ARNT2: variants seen among roughly 807,000 people sequenced by gnomAD.
The protein encoded by ARNT2 is ARNT protein 2.
In ARNT2, 36 loss-of-function variants were observed where a neutral mutation model predicts 91.7. That is an observed-to-expected ratio of 0.39 (90% CI 0.30 to 0.52). The LOEUF is 0.52. Among genes scored for constraint, ARNT2 ranks in the 20% least tolerant of loss-of-function variants. The pLI is 0.72. For synonymous variants in ARNT2, 365 were observed against 347.1 expected, an observed-to-expected ratio of 1.05 and a Z score of -0.57; for missense variants, 775 against 939.3, an observed-to-expected ratio of 0.83 and a Z score of 2.29.
intron 1 of ARNT2, among the ~76,000 whole-genome samples, chr15:80,427,603 T>C (rs192561537): frequency 6.6e-6 from 1 of 152,314 alleles, no homozygotes; most frequent in East Asian, 1.9e-4. Context: ...GTGAAATCTC[T>C]AGGTACACCT....
Position 80,450,993 on chromosome 15 carries a change from G to C in ARNT2, c.145G>C (p.Gly49Arg). 15 of 1,613,070 alleles carry C rather than the reference G, an allele frequency of 9.3e-6. No homozygotes were observed. Among genetic ancestry groups the C allele is most frequent in the Non-Finnish European group, 1.3e-5 (15 of 1,179,602 alleles). ...TGCCCGTGGAGGAAAGCGGCGTTCC[G>C]GGTAAGCGACCTCAGCGTTTCCAGG... ...MPARGGKRRS[G>R]MDFDDEDGEG... Residue 49 changes from glycine to arginine, a missense_variant and splice_region_variant, in exon 2 of 19, where the codon GGA becomes CGA. Transcript: ENST00000303329.
chr15:80,513,921 G>A lies in ARNT2; in HGVS notation c.736G>A (p.Ala246Thr). Residue 246 changes from alanine (A) to threonine (T), a missense_variant, in exon 7 of 19, where the codon GCT (alanine) becomes ACT (threonine). Physicochemically the swap from Ala to Thr is moderately conservative, Grantham distance 58. Around this residue, in one of 5 missense-constraint regions of ARNT2, gnomAD observed 285 missense variants for 327.2 expected, o/e 0.87. Coordinates refer to ENST00000303329, the MANE Select transcript of ARNT2 (RefSeq NM_014862.4). Reference protein sequence around the residue: ...SFICRMRCGNAPLDHLPLNRI... With the variant: ...SFICRMRCGNTPLDHLPLNRI... ...CTTGTCACATCTTAGGTGTGGAAAT[G>A]CTCCTTTGGACCACCTTCCTCTAAA... The A allele has an allele frequency of 1.2e-6, 2 of 1,613,348 alleles. No homozygotes were observed. Among genetic ancestry groups the A allele is most frequent in the African/African-American group, 1.3e-5 (1 of 74,968 alleles).
intron 11 of ARNT2, among the ~76,000 whole-genome samples, chr15:80,560,724 C>G (rs1898323855): frequency 6.6e-6 from 1 of 152,226 alleles, no homozygotes; most frequent in Non-Finnish European, 1.5e-5. Flanking sequence ...AGAAGTCCCT[C>G]TTGGTTGCTG....
At chr15:80,523,079 G>A (rs1897579575) in intron 8 of ARNT2, among the ~76,000 whole-genome samples, 1 of 152,126 alleles carries the variant, frequency 6.6e-6, no homozygotes, top group Non-Finnish European at 1.5e-5. Flanking sequence ...GTGCAATTCA[G>A]TAATGTCATG....
intron 8 of ARNT2, among the ~76,000 whole-genome samples, chr15:80,523,300 A>T (rs1247684427): frequency 6.6e-6 from 1 of 152,222 alleles, no homozygotes. Context: ...TTGTTGAGCC[A>T]GGCTTTCAGG....
chr15:80,517,406 A>G (rs1897455780), intron 8 of ARNT2, among the ~76,000 whole-genome samples: 1 of 152,056 alleles, frequency 6.6e-6, no homozygotes, highest in South Asian at 2.1e-4. Context: ...CTTCAGTTTG[A>G]ATATAACATG....
chr15:80,568,026 A>G (rs116066456), intron 12 of ARNT2, among the ~76,000 whole-genome samples: 3,685 of 152,314 alleles, frequency 0.024, 89 homozygotes, highest in East Asian at 0.066. Context: ...CTTTCAGTCA[A>G]AAGCATCCAA....
At chr15:80,474,887 A>G (rs182412295) in intron 4 of ARNT2, 123 bp from the exon 5 acceptor site, 34 of 1,038,124 alleles carry the variant, frequency 3.3e-5, no homozygotes, top group Admixed American at 2.3e-4. Flanking sequence ...TCATTTCCCA[A>G]ACTATTTGTG....
At chr15:80,479,405 G>A (rs191798129) in intron 5 of ARNT2, among the ~76,000 whole-genome samples, 2 of 152,266 alleles carry the variant, frequency 1.3e-5, no homozygotes, top group Non-Finnish European at 2.9e-5. Flanking sequence ...ACTTGTCTGC[G>A]AATAAAACTG....
intron 1 of ARNT2, among the ~76,000 whole-genome samples, chr15:80,421,208 G>A (rs1380199273): frequency 3.3e-5 from 5 of 152,136 alleles, no homozygotes; most frequent in African/African-American, 1.2e-4. Context: ...AGCTATGGAT[G>A]TGCAGGGGCA....
intron 1 of ARNT2, among the ~76,000 whole-genome samples, chr15:80,414,795 G>A (rs969882569): frequency 6.8e-6 from 1 of 146,692 alleles, no homozygotes; most frequent in Non-Finnish European, 1.5e-5. Flanking sequence ...AATATTTCAC[G>A]CCAGAAAACT....
Position 80,472,789 on chromosome 15 carries a change from A to G in ARNT2, c.409-2221A>G, listed in dbSNP as rs1233077073. 4.6e-5 allele frequency among the ~76,000 whole-genome samples: 7 copies of G among 152,358 alleles called. No homozygotes were observed. The East Asian group carries it at 1.2e-3, about 25-fold the overall frequency. ...CTGTTTAACATGGGCCTGAGGTATA[A>G]TGAAGGGTAAATAGCTGGTAAGTAA... On this transcript the variant is annotated intron_variant, in intron 4 of 18. Transcript: ENST00000303329.
intron 4 of ARNT2, among the ~76,000 whole-genome samples, chr15:80,472,606 G>A (rs1475371002): frequency 6.6e-6 from 1 of 152,202 alleles, no homozygotes; most frequent in East Asian, 1.9e-4. Flanking sequence ...CTTGGCAGAT[G>A]TTAGGAAGGT....
intron 16 of ARNT2, chr15:80,580,961 T>C (rs1351151730): frequency 2.7e-5 from 14 of 521,266 alleles, no homozygotes; most frequent in Non-Finnish European, 4.8e-5. Context: ...GTTCTAGGTG[T>C]TCATAATGCC....
intron 16 of ARNT2, 85 bp from the exon 17 acceptor site, chr15:80,581,154 C>T (rs755594236): frequency 1.3e-6 from 2 of 1,514,792 alleles, no homozygotes; most frequent in Non-Finnish European, 1.8e-6. Flanking sequence ...GCAGGCACTG[C>T]CCCTGCGACC....
At position 80,475,035 on chromosome 15, in the gene ARNT2, C is replaced by G; in HGVS notation, c.434C>G (p.Ala145Gly). ...GAACTGAAGCATCTCATCCTTGAAG[C>G]AGCTGATGGATTTCTGTTTGTGGTG... ...EQELKHLILE[A>G]ADGFLFVVAA... The change falls in exon 5 of 19, where the codon GCA becomes GGA. Residue 145 changes from alanine to glycine, a missense_variant. This residue lies in a region of ARNT2 where 83 missense variants were observed against 149.4 expected (regional missense o/e 0.56). Transcript: ENST00000303329. 6.2e-7 allele frequency: 1 copy of G among 1,614,158 alleles called. No individual in the cohort carries two copies. The highest frequency in any genetic ancestry group is 8.5e-7 in the Non-Finnish European group (1 of 1,180,036).
At chr15:80,510,264 T>C (rs1183410399) in intron 6 of ARNT2, among the ~76,000 whole-genome samples, 1 of 152,054 alleles carries the variant, frequency 6.6e-6, no homozygotes, top group Non-Finnish European at 1.5e-5. Context: ...GAAAAGGTTG[T>C]TGGGGGGAGC....
At chr15:80,500,498 T>C (rs534536576) in intron 5 of ARNT2, among the ~76,000 whole-genome samples, 2 of 152,252 alleles carry the variant, frequency 1.3e-5, no homozygotes, top group Non-Finnish European at 2.9e-5. Context: ...GTATTTCTCT[T>C]GTAGCCTGGG....
At chr15:80,503,760 C>T (rs188250747) in intron 5 of ARNT2, among the ~76,000 whole-genome samples, 2 of 152,344 alleles carry the variant, frequency 1.3e-5, no homozygotes, top group African/African-American at 2.4e-5. Context: ...GCACAGGCTG[C>T]GCCAGAGCTC....
Sources: allele counts gnomAD v4.1 joint callset (sites outside exome capture counted in the v4.1 genomes callset), GRCh38; gene constraint gnomAD v4.1.1; regional missense constraint gnomAD v4.1.1; transcripts MANE v1.5; gene names NCBI Gene and HGNC (gene_info 2026-07-23, HGNC 2026-07-21).